GGPS1: variants seen among roughly 807,000 people sequenced by gnomAD.
GGPS1 encodes the protein geranylgeranyl pyrophosphate synthase.
In GGPS1, 15 loss-of-function variants were observed where a neutral mutation model predicts 28.1. The observed-to-expected ratio is 0.53, with a 90% confidence interval of 0.36 to 0.82. The LOEUF is 0.82. GGPS1 is among the 40% of genes least tolerant of loss of function. GGPS1 has a pLI of 0.01. For synonymous variants in GGPS1, 138 were observed against 122.4 expected, an observed-to-expected ratio of 1.13 and a Z score of -0.84; for missense variants, 284 against 348.3, an observed-to-expected ratio of 0.82 and a Z score of 1.47.
intron 2 of GGPS1, among the ~76,000 whole-genome samples, chr1:235,335,895 C>T (rs74148484): frequency 0.029 from 4,427 of 152,280 alleles, 212 homozygotes; most frequent in African/African-American, 0.1. Context: ...AGTTTACCTT[C>T]TATGTCTGTA....
At chr1:235,333,168 A>C (rs1675769998) in intron 1 of GGPS1, among the ~76,000 whole-genome samples, 1 of 151,894 alleles carries the variant, frequency 6.6e-6, no homozygotes, top group African/African-American at 2.4e-5. Flanking sequence ...ATACCATGTA[A>C]GCAACCTATT....
intron 2 of GGPS1, among the ~76,000 whole-genome samples, chr1:235,340,756 A>C (rs968707284): frequency 6.7e-6 from 1 of 150,026 alleles, no homozygotes; most frequent in African/African-American, 2.4e-5. Context: ...AAAAAAAAAA[A>C]AACAAGAAAG....
intron 1 of GGPS1, among the ~76,000 whole-genome samples, chr1:235,332,129 A>T (rs1675735066): frequency 1.3e-5 from 2 of 152,200 alleles, no homozygotes; most frequent in Non-Finnish European, 2.9e-5. Context: ...ACATGCATAG[A>T]TTGCATTGTA....
rs758512694 is a variant in GGPS1, at chr1:235,342,735, A to G, written c.866A>G (p.Lys289Arg). Residue 289 changes from lysine (K) to arginine (R), a missense_variant, in exon 4 of 4, where the codon AAA becomes AGA. Transcript: ENST00000282841. Reference protein sequence around the residue: ...GGNPELVALVKHLSKMFKEEN... With the variant: ...GGNPELVALVRHLSKMFKEEN... The stretch of plus-strand genomic sequence containing the variant: ...AACCCTGAGCTAGTAGCCTTAGTAA[A>G]ACACTTAAGTAAGATGTTCAAAGAA... 5 of 1,599,464 alleles carry G rather than the reference A, an allele frequency of 3.1e-6. No individual in the cohort carries two copies. In the Middle Eastern group the frequency reaches 5.0e-4, roughly 161 times the overall value.
rs1024966038 is a variant in GGPS1, at chr1:235,343,786, T to G, written c.*1014T>G. The G allele has an allele frequency of 1.2e-5, 2 of 166,426 alleles. No individual in the cohort carries two copies. The highest frequency in any genetic ancestry group is 4.9e-5 in the African/African-American group (2 of 41,224). 10.3% of individuals were successfully genotyped at this position (166,426 alleles called of 1,614,324 possible). On this transcript the variant is annotated 3_prime_UTR_variant, in exon 4 of 4. Coordinates refer to ENST00000282841, the MANE Select transcript of GGPS1 (RefSeq NM_004837.4). ...CCAATTGGGAAGCGGAAAAAGAGAG[T>G]ATGGGATATTTTAGAAGGGAGCCTT...
Position 235,342,531 on chromosome 1 carries a change from T to C in GGPS1, c.662T>C (p.Ile221Thr), listed in dbSNP as rs772957103. ...GKFSFPTIHA[I>T]WSRPESTQVQ... ...TTCTCATTTCCTACTATTCATGCTA[T>C]TTGGTCAAGGCCTGAAAGCACCCAG... The change falls in exon 4 of 4, where the codon ATT becomes ACT. Residue 221 changes from isoleucine (I) to threonine (T), a missense_variant. Ile to Thr is a moderately conservative substitution (Grantham distance 89). Transcript: ENST00000282841. 2.5e-6 allele frequency: 4 copies of C among 1,613,804 alleles called. No individual in the cohort carries two copies. Among genetic ancestry groups the C allele is most frequent in the African/African-American group, 1.3e-5 (1 of 75,048 alleles).
chr1:235,331,014 C>T (rs1331310006), intron 1 of GGPS1, among the ~76,000 whole-genome samples: 4 of 151,986 alleles, frequency 2.6e-5, no homozygotes, highest in African/African-American at 9.7e-5. Context: ...TACTTCAATC[C>T]CTGATAATAA....
chr1:235,333,152 G>C (rs1675769368), intron 1 of GGPS1, among the ~76,000 whole-genome samples: 1 of 151,304 alleles, frequency 6.6e-6, no homozygotes, highest in South Asian at 2.1e-4. Flanking sequence ...GTTGTGATGT[G>C]GTGTGATACC....
At chr1:235,338,978 A>G (rs1018570695) in intron 2 of GGPS1, among the ~76,000 whole-genome samples, 1 of 152,052 alleles carries the variant, frequency 6.6e-6, no homozygotes, top group Non-Finnish European at 1.5e-5. Context: ...AGCCTGGCCA[A>G]CATGGGGAAA....
rs1392970595 is a variant in GGPS1 at position 235,328,674 on chromosome 1, AG to A, written c.-126del. On this transcript the variant is annotated 5_prime_UTR_variant, in exon 1 of 4. It introduces an in-frame stop codon into an upstream open reading frame of the 5' UTR. Transcript: ENST00000282841. ...GTGAAATAGTGGGAAGGATTCATGT[AG>A]GCATCGGGAAGAGCCTAAGTCCACA... is the stretch of plus-strand genomic sequence containing the variant. The A allele has an allele frequency of 6.5e-6, 1 of 152,820 alleles. No individual in the cohort carries two copies. The highest frequency in any genetic ancestry group is 2.4e-5 in the African/African-American group (1 of 41,468). The allele number at this position is 152,820 out of a possible 1,614,324, so 9.5% of individuals were successfully genotyped here.
chr1:235,340,481 A>G (rs1676002368), intron 2 of GGPS1, among the ~76,000 whole-genome samples: 1 of 151,172 alleles, frequency 6.6e-6, no homozygotes, highest in South Asian at 2.1e-4. Context: ...TCACGCCTGT[A>G]ATCCCAGCAC....
intron 1 of GGPS1, chr1:235,330,041 A>G (rs1450537159): frequency 6.6e-6 from 1 of 152,214 alleles, no homozygotes; most frequent in Non-Finnish European, 1.5e-5. Context: ...TGTAACACAC[A>G]CTAATGCCTC....
chr1:235,343,815 A>G lies in GGPS1; in HGVS notation c.*1043A>G, dbSNP rs1676128764. The G allele has an allele frequency of 6.0e-6, 1 of 166,792 alleles. No individual in the cohort carries two copies. Among genetic ancestry groups the G allele is most frequent in the Non-Finnish European group, 1.5e-5 (1 of 68,060 alleles). 10.3% of individuals were successfully genotyped at this position (166,792 alleles called of 1,614,324 possible). A position where few individuals can be genotyped will look rare whatever the true frequency, so the allele number is the denominator to read the frequency against. On this transcript the variant is annotated 3_prime_UTR_variant, in exon 4 of 4. Coordinates refer to ENST00000282841, the MANE Select transcript of GGPS1 (RefSeq NM_004837.4). Reference sequence around the variant, plus strand: ...GGATATTTTAGAAGGGAGCCTTTGAACCTTATTATATTTCCCCATCATTGA... The same window carrying G: ...GGATATTTTAGAAGGGAGCCTTTGAGCCTTATTATATTTCCCCATCATTGA...
chr1:235,343,568 ATGATAAACAG>A lies in GGPS1; in HGVS notation c.*800_*809del, dbSNP rs1457612697. ...TCCGTCTCAAAAAAAAGGGCTGATA[ATGATAAACAG>A]TGAGCACTCCGGTCCTTTTTCTTAG... On this transcript the variant is annotated 3_prime_UTR_variant, in exon 4 of 4. Coordinates refer to ENST00000282841, the MANE Select transcript of GGPS1 (RefSeq NM_004837.4). The A allele has an allele frequency of 7.2e-5, 12 of 167,036 alleles. No individual in the cohort carries two copies. Among genetic ancestry groups the A allele is most frequent in the African/African-American group, 2.7e-4 (11 of 41,434 alleles). 10.3% of individuals were successfully genotyped at this position (167,036 alleles called of 1,614,324 possible).
Position 235,342,622 on chromosome 1 carries a change from T to A in GGPS1, c.753T>A (p.Leu251=), listed in dbSNP as rs757273073. The A allele has an allele frequency of 3.7e-6, 6 of 1,611,368 alleles. No homozygotes were observed. The South Asian group carries it at 6.6e-5, about 18-fold the overall frequency. Residue 251 remains leucine, a synonymous_variant, in exon 4 of 4, where the codon CTT becomes CTA. Transcript: ENST00000282841. ...TAAAAAAATACTGTGTACATTATCT[T>A]GAGGATGTAGGTTCTTTTGAATACA... ...IDIKKYCVHY[L]EDVGSFEYTR...
intron 2 of GGPS1, among the ~76,000 whole-genome samples, chr1:235,338,609 C>T (rs1186283885): frequency 6.6e-6 from 1 of 152,122 alleles, no homozygotes; most frequent in African/African-American, 2.4e-5. Context: ...CAGTGGCTGA[C>T]TTATTATCCC....
rs200207906 is a variant in GGPS1 at position 235,342,277 on chromosome 1, C to T, written c.408C>T (p.Tyr136=). Residue 136 remains tyrosine (Y), a synonymous_variant, in exon 4 of 4, where the codon TAC becomes TAT. Transcript: ENST00000282841. ...TAGATATTTACTGGAGGGATAATTA[C>T]ACTTGTCCCACTGAAGAAGAATATA... ...QGLDIYWRDN[Y]TCPTEEEYKA... is the part of the protein sequence containing the mutation. 2 of 1,614,066 alleles carry T rather than the reference C, an allele frequency of 1.2e-6. No homozygotes were observed. The highest frequency in any genetic ancestry group is 4.5e-5 in the East Asian group (2 of 44,890).
At chr1:235,328,496 C>G (rs975538183), upstream of GGPS1, 1 of 148,298 alleles carries the variant, frequency 6.7e-6, no homozygotes, top group Admixed American at 6.6e-5. Context: ...CCTGCGTGGA[C>G]CGGTGCGGGG....
At chr1:235,341,096 G>A (rs934549529) in intron 2 of GGPS1, among the ~76,000 whole-genome samples, 5 of 152,276 alleles carry the variant, frequency 3.3e-5, no homozygotes, top group Admixed American at 6.5e-5. Context: ...TTGGGAGGCC[G>A]ATGCGGGTGT....
Sources: gnomAD v4.1 joint callset for allele counts (sites outside exome capture counted in the v4.1 genomes callset) on GRCh38, gnomAD v4.1.1 for gene constraint, MANE v1.5 for transcripts, NCBI Gene and HGNC (gene_info 2026-07-23, HGNC 2026-07-21) for gene names.